CCDC40: variants seen among roughly 807,000 people sequenced by gnomAD.
CCDC40 encodes the protein coiled-coil domain-containing protein 40.
A neutral mutation model predicts 124.5 loss-of-function variants in CCDC40; 104 were observed. The observed-to-expected ratio is 0.84, with a 90% CI of 0.71 to 0.98. The LOEUF is 0.98. Ranked by LOEUF, CCDC40 falls within the 50% of genes least tolerant of loss-of-function variation. The pLI is 0.00. For synonymous variants in CCDC40, 580 were observed against 602.9 expected (o/e 0.96, Z 0.56); for missense variants, 1,463 against 1,503.9 (o/e 0.97, Z 0.45).
chr17:80,086,057 G>C lies in CCDC40; in HGVS notation c.2290G>C (p.Asp764His), dbSNP rs375753787. The change falls in exon 14 of 20, where the codon GAC becomes CAC. Residue 764 changes from aspartate (D) to histidine (H), a missense_variant. Coordinates refer to ENST00000397545, the MANE Select transcript of CCDC40 (RefSeq NM_017950.4). This position sits in a 1 kb window ranked among gnomAD's most constrained non-coding sequence, Gnocchi z 5.5. ...LEIKRLSKLI[D>H]EHDGKAVQAQ... Reference sequence around the variant, plus strand: ...AATCAAAAGGCTGAGCAAGCTGATCGACGAGCACGATGGCAAGGCGGTCCA... The same window carrying C: ...AATCAAAAGGCTGAGCAAGCTGATCCACGAGCACGATGGCAAGGCGGTCCA... 3.7e-6 allele frequency: 6 copies of C among 1,614,004 alleles called. No individual in the cohort carries two copies. Among genetic ancestry groups the C allele is most frequent in the Non-Finnish European group, 5.1e-6 (6 of 1,180,040 alleles).
intron 18 of CCDC40, 44 bp downstream of exon 18, chr17:80,095,495 T>G (rs2038794981): frequency 6.3e-7 from 1 of 1,588,914 alleles, no homozygotes; most frequent in Admixed American, 1.7e-5. Flanking sequence ...CTCCTCTCTC[T>G]GGGATTCAAG....
chr17:80,040,130 C>G lies in CCDC40; in HGVS notation c.412C>G (p.Leu138Val), dbSNP rs1274934184. The change falls in exon 3 of 20, where the codon CTC becomes GTC. Residue 138 changes from leucine (L) to valine (V), a missense_variant. Coordinates refer to ENST00000397545, the MANE Select transcript of CCDC40 (RefSeq NM_017950.4). ...CGATAGTGTTAGCGGGGAGGCTGGT[C>G]TCCAAGGCTTCCAGCAAGAGGCCAC... ...AYDSVSGEAG[L>V]QGFQQEATGP... is the part of the protein sequence containing the mutation. 1 of 1,614,180 alleles carries G rather than the reference C, an allele frequency of 6.2e-7. No homozygotes were observed.
rs1414900240 is a variant in CCDC40, at chr17:80,087,797, T to C, written c.2619+21T>C. 1.2e-6 allele frequency: 2 copies of C among 1,612,574 alleles called. No homozygotes were observed. The highest frequency in any genetic ancestry group is 1.3e-5 in the African/African-American group (1 of 74,874). On this transcript the variant is annotated intron_variant, in intron 15 of 19. Coordinates refer to ENST00000397545, the MANE Select transcript of CCDC40 (RefSeq NM_017950.4). This position sits in a 1 kb window ranked among gnomAD's most constrained non-coding sequence, Gnocchi z 4.5. ...TGAAGGTCCGGCCGTGTCCACGCAG[T>C]CCCGGGGCTCAGGACGATGGAGGGC...
At chr17:80,051,147 T>G (rs2037577136) in intron 7 of CCDC40, among the ~76,000 whole-genome samples, 2 of 152,342 alleles carry the variant, frequency 1.3e-5, no homozygotes, top group South Asian at 2.1e-4. Flanking sequence ...GTCTTTATGC[T>G]TTTTGATGTT....
intron 10 of CCDC40, among the ~76,000 whole-genome samples, chr17:80,074,640 A>G (rs992585700): frequency 1.3e-5 from 2 of 152,094 alleles, no homozygotes; most frequent in African/African-American, 4.8e-5. Context: ...AAAGAAAGAA[A>G]ATGTACCTGG....
At chr17:80,098,418 C>T (rs2038850195) in intron 19 of CCDC40, among the ~76,000 whole-genome samples, 1 of 152,250 alleles carries the variant, frequency 6.6e-6, no homozygotes, top group African/African-American at 2.4e-5. Context: ...ATGCGGGGGG[C>T]ACCTGGGGCT....
At position 80,078,483 on chromosome 17, in the gene CCDC40, T is replaced by C. The variant is rs576679403; in HGVS notation, c.1563-3063T>C. ...GTTGTGGTATGAGCGGGGTCCAGGC[T>C]CAGGTTTTGTGTGTCTCTCTCTAGT... On this transcript the variant is annotated intron_variant, in intron 10 of 19. Coordinates refer to ENST00000397545, the MANE Select transcript of CCDC40 (RefSeq NM_017950.4). Among the ~76,000 whole-genome samples the C allele has an allele frequency of 5.3e-5, 8 of 152,264 alleles. No homozygotes were observed. In the South Asian group the frequency reaches 1.4e-3, roughly 28 times the overall value.
Position 80,089,668 on chromosome 17 carries a change from G to A in CCDC40, c.2712-96G>A, listed in dbSNP as rs55987222. 64,937 of 1,465,742 alleles carry A rather than the reference G, an allele frequency of 0.044. 1,664 individuals are homozygous for A. Among genetic ancestry groups the A allele is most frequent in the Middle Eastern group, 0.069 (392 of 5,720 alleles). 90.8% of individuals were successfully genotyped at this position (1,465,742 alleles called of 1,614,324 possible). On this transcript the variant is annotated intron_variant, in intron 16 of 19. Transcript: ENST00000397545. ...GTCGCAGCTGCTTGGCTCTGCCATT[G>A]CAGCTTGAGAGCCTTGTAAAGCCTT... is the stretch of plus-strand genomic sequence containing the variant.
intron 1 of CCDC40, 189 bp downstream of exon 1, chr17:80,036,880 C>G (rs920840793): frequency 4.3e-5 from 21 of 493,776 alleles, no homozygotes; most frequent in Non-Finnish European, 7.0e-5. Flanking sequence ...CCTCACCCCC[C>G]CGCCAACCCT....
In CCDC40 at chr17:80,050,288, G is replaced by A; in HGVS notation, c.1159+5G>A. The A allele has an allele frequency of 1.3e-6, 2 of 1,551,830 alleles. No individual in the cohort carries two copies. Among genetic ancestry groups the A allele is most frequent in the Non-Finnish European group, 1.7e-6 (2 of 1,148,456 alleles). ...CCAACGAGGAGCGCAAAAAGTGTAA[G>A]GCAACCCGGCAGCCCCACACGCCAT... On this transcript the variant is annotated splice_donor_5th_base_variant and intron_variant, in intron 7 of 19. Transcript: ENST00000397545.
intron 10 of CCDC40, among the ~76,000 whole-genome samples, chr17:80,069,684 G>A (rs2038139740): frequency 6.6e-6 from 1 of 152,200 alleles, no homozygotes; most frequent in African/African-American, 2.4e-5. Flanking sequence ...CCGGGAGGTG[G>A]AGGTGGCGGT....
Position 80,058,403 on chromosome 17 carries a change from TC to T in CCDC40, c.1160-88del. The T allele has an allele frequency of 1.6e-6, 2 of 1,242,222 alleles. No individual in the cohort carries two copies. Among genetic ancestry groups the T allele is most frequent in the Non-Finnish European group, 2.3e-6 (2 of 854,340 alleles). The allele number at this position is 1,242,222 out of a possible 1,614,324, so 76.9% of individuals were successfully genotyped here. A position where few individuals can be genotyped will look rare whatever the true frequency, so the allele number is the denominator to read the frequency against. On this transcript the variant is annotated intron_variant, in intron 7 of 19. Transcript: ENST00000397545. This position sits in a 1 kb window ranked among gnomAD's most constrained non-coding sequence, Gnocchi z 4.2. The stretch of plus-strand genomic sequence containing the variant: ...CAGGAAGGGTGCCCAGAACGGCTGT[TC>T]CCTGCTTCCTCCTGGGTCTCTGCAT...
intron 10 of CCDC40, among the ~76,000 whole-genome samples, chr17:80,069,891 G>A (rs1258293803): frequency 2.0e-5 from 3 of 152,238 alleles, no homozygotes; most frequent in Admixed American, 1.3e-4. Flanking sequence ...TCCTGATGAT[G>A]GCAGAGACGA....
chr17:80,072,855 A>G (rs192955997), intron 10 of CCDC40, among the ~76,000 whole-genome samples: 4 of 152,310 alleles, frequency 2.6e-5, no homozygotes, highest in Admixed American at 1.3e-4. Flanking sequence ...CCTTTGGAAT[A>G]CCGTGAAGAA....
intron 9 of CCDC40, among the ~76,000 whole-genome samples, chr17:80,061,006 G>T (rs926008033): frequency 5.3e-5 from 8 of 152,202 alleles, no homozygotes; most frequent in Non-Finnish European, 1.2e-4. Context: ...CCTGGGCTGG[G>T]GAGGCCTTTC....
intron 10 of CCDC40, among the ~76,000 whole-genome samples, chr17:80,072,922 C>T (rs753841313): frequency 6.6e-5 from 10 of 152,148 alleles, no homozygotes; most frequent in Non-Finnish European, 1.3e-4. Flanking sequence ...CCGTTTCTCC[C>T]GGGTAAATAC....
chr17:80,070,595 T>G (rs2038163219), intron 10 of CCDC40, among the ~76,000 whole-genome samples: 1 of 152,006 alleles, frequency 6.6e-6, no homozygotes, highest in Admixed American at 6.6e-5. Flanking sequence ...AGCAAGACCC[T>G]GTCTCTCAAA....
chr17:80,046,595 T>C (rs1234548347), intron 3 of CCDC40, among the ~76,000 whole-genome samples: 3 of 151,900 alleles, frequency 2.0e-5, no homozygotes, highest in African/African-American at 7.3e-5. Flanking sequence ...TGTAGCTAAG[T>C]GTAAACACCC....
At chr17:80,090,312 C>G (rs750752910) in intron 17 of CCDC40, 2 of 1,332,190 alleles carry the variant, frequency 1.5e-6, no homozygotes, top group Non-Finnish European at 1.0e-6. Flanking sequence ...CGTGCACGAA[C>G]AACACGGGAC....
Sources: allele counts gnomAD v4.1 joint callset (sites outside exome capture counted in the v4.1 genomes callset), GRCh38; gene constraint gnomAD v4.1.1; non-coding constraint Gnocchi (gnomAD v3.1); transcripts MANE v1.5; gene names NCBI Gene and HGNC (gene_info 2026-07-23, HGNC 2026-07-21).